Variants in GAL3ST2 observed in about 807,000 individuals in gnomAD.
GAL3ST2 encodes the protein galactose-3-O-sulfotransferase 2, also known as beta-galactose-3-O-sulfotransferase 2.
In GAL3ST2, 16 loss-of-function variants were observed where a neutral mutation model predicts 12.9. The observed-to-expected ratio is 1.24, with a 90% CI of 0.84 to 1.88. GAL3ST2 has a LOEUF of 1.88. Among genes scored for constraint, GAL3ST2 ranks in the 40% most tolerant of loss-of-function variants. The pLI is 0.00. For missense variants in GAL3ST2, 639 were observed against 571.8 expected (o/e 1.12, Z -1.20); for synonymous variants, 302 against 273.9 (o/e 1.10, Z -1.01).
rs1165908623 is a variant in GAL3ST2 at position 241,795,337 on chromosome 2, T to G, written c.30-3728T>G. Among the ~76,000 whole-genome samples, 2 of 152,162 alleles carry G rather than the reference T, an allele frequency of 1.3e-5. No individual in the cohort carries two copies. The highest frequency in any genetic ancestry group is 1.3e-4 in the Admixed American group (2 of 15,290). On this transcript the variant is annotated intron_variant, in intron 1 of 3. Coordinates refer to ENST00000192314, the MANE Select transcript of GAL3ST2 (RefSeq NM_022134.3). The surrounding 1 kb of genome is among the most constrained non-coding windows in gnomAD (Gnocchi z 4.5). ...AACGTCATTGTTTTAATTGGGCAGT[T>G]GCAAAGAACAGAGACAGATTCATGC... is the stretch of plus-strand genomic sequence containing the variant.
Position 241,803,496 on chromosome 2 carries a change from C to T in GAL3ST2, c.527C>T (p.Thr176Met), listed in dbSNP as rs1699884758. ...SLDAFLASPR[T>M]FYNDSRHLRN... ...GACGCGTTCCTGGCCTCGCCGCGGA[C>T]GTTCTACAACGACAGCCGCCACCTC... Residue 176 changes from threonine to methionine, a missense_variant, in exon 4 of 4, where the codon ACG becomes ATG. Coordinates refer to ENST00000192314, the MANE Select transcript of GAL3ST2 (RefSeq NM_022134.3). The T allele has an allele frequency of 1.2e-6, 2 of 1,611,568 alleles. No homozygotes were observed. Among genetic ancestry groups the T allele is most frequent in the East Asian group, 2.2e-5 (1 of 44,834 alleles).
chr2:241,781,662 A>G (rs1699568494), intron 1 of GAL3ST2, among the ~76,000 whole-genome samples: 1 of 152,236 alleles, frequency 6.6e-6, no homozygotes, highest in Admixed American at 6.5e-5. Context: ...ACACATACCA[A>G]TAACATATTT....
chr2:241,779,214 A>C (rs1309951861), intron 1 of GAL3ST2, among the ~76,000 whole-genome samples: 1 of 54,550 alleles, frequency 1.8e-5, no homozygotes, highest in Non-Finnish European at 3.3e-5. Flanking sequence ...AGGAAAGCTC[A>C]TTTTTTTTTT....
At chr2:241,792,378 T>C (rs1465493332) in intron 1 of GAL3ST2, among the ~76,000 whole-genome samples, 1 of 150,942 alleles carries the variant, frequency 6.6e-6, no homozygotes, top group Non-Finnish European at 1.5e-5. Context: ...TAAGCTGTGC[T>C]TTCTTAAAGC....
At position 241,803,343 on chromosome 2, in the gene GAL3ST2, A is replaced by G; in HGVS notation, c.376-2A>G. Reference sequence around the variant, plus strand: ...GCAGCCCGCCTCTCTGTCGCCACACAGGTGCAGAAAGTCATGCCCAACGAC... The same window carrying G: ...GCAGCCCGCCTCTCTGTCGCCACACGGGTGCAGAAAGTCATGCCCAACGAC... On this transcript the variant is annotated splice_acceptor_variant, in intron 3 of 3. Coordinates refer to ENST00000192314, the MANE Select transcript of GAL3ST2 (RefSeq NM_022134.3). LOFTEE classifies it high-confidence loss of function. 3 of 1,590,632 alleles carry G rather than the reference A, an allele frequency of 1.9e-6. No homozygotes were observed. Among genetic ancestry groups the G allele is most frequent in the Non-Finnish European group, 2.6e-6 (3 of 1,164,852 alleles).
chr2:241,799,823 C>T (rs569389366), intron 2 of GAL3ST2, among the ~76,000 whole-genome samples: 1 of 152,296 alleles, frequency 6.6e-6, no homozygotes, highest in East Asian at 1.9e-4. Context: ...CCTGGGTACC[C>T]TGACCCCACC....
intron 1 of GAL3ST2, among the ~76,000 whole-genome samples, chr2:241,790,918 G>A (rs62193068): frequency 0.43 from 66,053 of 152,062 alleles, 17,453 homozygotes; most frequent in African/African-American, 0.76. Context: ...CTTAACCTGA[G>A]CATTCCTTAC....
chr2:241,776,881 G>C lies in GAL3ST2; in HGVS notation c.-75G>C, dbSNP rs548173913. The stretch of plus-strand genomic sequence containing the variant: ...CCTGCACCCTGGGGAGCCCAGAGCC[G>C]GCAGGGGCCGAGGCGGTGGGACCTC... On this transcript the variant is annotated 5_prime_UTR_variant, in exon 1 of 4. Transcript: ENST00000192314. 2.3e-6 allele frequency: 3 copies of C among 1,314,644 alleles called. No individual in the cohort carries two copies. Among genetic ancestry groups the C allele is most frequent in the Admixed American group, 3.2e-5 (1 of 31,662 alleles). 81.4% of individuals were successfully genotyped at this position (1,314,644 alleles called of 1,614,324 possible).
At position 241,802,825 on chromosome 2, in the gene GAL3ST2, C is replaced by T. The variant is rs1178063291; in HGVS notation, c.376-520C>T. ...TCCAGGACCTCTGAGGGGGCACAAG[C>T]GAGGGTGAGTCCAGACCCACCCTGT... On this transcript the variant is annotated intron_variant, in intron 3 of 3. Transcript: ENST00000192314. The surrounding 1 kb of genome is among the most constrained non-coding windows in gnomAD (Gnocchi z 4.8). Among the ~76,000 whole-genome samples the T allele has an allele frequency of 6.6e-6, 1 of 152,126 alleles. No individual in the cohort carries two copies. The highest frequency in any genetic ancestry group is 1.9e-4 in the East Asian group (1 of 5,188).
chr2:241,803,487 C>T lies in GAL3ST2; in HGVS notation c.518C>T (p.Ser173Leu), dbSNP rs1693496693. ...CCGAGCCTGGACGCGTTCCTGGCCT[C>T]GCCGCGGACGTTCTACAACGACAGC... ...GAPSLDAFLA[S>L]PRTFYNDSRH... is the part of the protein sequence containing the mutation. The change falls in exon 4 of 4, where the codon TCG becomes TTG. Residue 173 changes from serine (S) to leucine (L), a missense_variant. Transcript: ENST00000192314. 9.9e-6 allele frequency: 16 copies of T among 1,611,632 alleles called. No homozygotes were observed. The highest frequency in any genetic ancestry group is 1.3e-5 in the Non-Finnish European group (15 of 1,179,368).
intron 1 of GAL3ST2, among the ~76,000 whole-genome samples, chr2:241,778,814 C>T (rs111348773): frequency 1.3e-5 from 2 of 152,128 alleles, no homozygotes; most frequent in South Asian, 2.1e-4. Context: ...CAGGACGGCT[C>T]GAAGCAAAGG....
At position 241,801,341 on chromosome 2, in the gene GAL3ST2, TTTTCTTTACGGTCTC is replaced by T; in HGVS notation, c.120-438_120-424del. 5.5e-6 allele frequency: 1 copy of T among 182,338 alleles called. No individual in the cohort carries two copies. Among genetic ancestry groups the T allele is most frequent in the South Asian group, 1.4e-4 (1 of 7,094 alleles). The allele number at this position is 182,338 out of a possible 1,614,324, so 11.3% of individuals were successfully genotyped here. A position where few individuals can be genotyped will look rare whatever the true frequency, so the allele number is the denominator to read the frequency against. ...TATTCCGTGGTGTAGATGTGCCACA[TTTTCTTTACGGTCTC>T]TATGTAACATTCACACCCGGCAGCT... On this transcript the variant is annotated intron_variant, in intron 2 of 3. Coordinates refer to ENST00000192314, the MANE Select transcript of GAL3ST2 (RefSeq NM_022134.3). The surrounding 1 kb of genome is among the most constrained non-coding windows in gnomAD (Gnocchi z 4.4).
In GAL3ST2 at chr2:241,804,184, C is replaced by T; in HGVS notation, c.*18C>T. 1 of 1,405,012 alleles carries T rather than the reference C, an allele frequency of 7.1e-7. No homozygotes were observed. Among genetic ancestry groups the T allele is most frequent in the Non-Finnish European group, 9.3e-7 (1 of 1,072,574 alleles). 87.0% of individuals were successfully genotyped at this position (1,405,012 alleles called of 1,614,324 possible). ...GGGCGTAGAGGGGCCGGGCCGGGGACGAGGCCTCCTGCGGACACCAGCTCC... is the reference window on the plus strand; with the variant it reads ...GGGCGTAGAGGGGCCGGGCCGGGGATGAGGCCTCCTGCGGACACCAGCTCC... On this transcript the variant is annotated 3_prime_UTR_variant, in exon 4 of 4. Transcript: ENST00000192314.
intron 1 of GAL3ST2, among the ~76,000 whole-genome samples, chr2:241,797,802 C>T (rs1699791320): frequency 6.6e-6 from 1 of 152,216 alleles, no homozygotes; most frequent in Non-Finnish European, 1.5e-5. Flanking sequence ...GCCCGCTTTG[C>T]CTTGGTTACA....
At chr2:241,790,604 T>C (rs769868221) in intron 1 of GAL3ST2, among the ~76,000 whole-genome samples, 4 of 152,182 alleles carry the variant, frequency 2.6e-5, no homozygotes, top group Non-Finnish European at 5.9e-5. Context: ...ATATCATGAT[T>C]TACTTTCCAA....
At chr2:241,777,116 G>A (rs1283407902) in intron 1 of GAL3ST2, 132 bp downstream of exon 1, 4 of 825,824 alleles carry the variant, frequency 4.8e-6, no homozygotes. Context: ...TCCTACTCAG[G>A]CTTCCCTGAA....
chr2:241,804,099 T>G lies in GAL3ST2; in HGVS notation c.1130T>G (p.Met377Arg), dbSNP rs1298508687. ...QRLVMPELQY[M>R]ARLYALQFPE... is the part of the protein sequence containing the mutation. ...CTTGTGATGCCTGAGCTCCAGTACA[T>G]GGCCCGCCTGTACGCCCTGCAGTTC... Residue 377 changes from methionine (M) to arginine (R), a missense_variant, in exon 4 of 4, where the codon ATG becomes AGG. By Grantham distance (91) the Met-to-Arg change is moderately conservative. Transcript: ENST00000192314. 2 of 1,524,444 alleles carry G rather than the reference T, an allele frequency of 1.3e-6. No individual in the cohort carries two copies. Among genetic ancestry groups the G allele is most frequent in the South Asian group, 2.5e-5 (2 of 80,596 alleles). The allele number at this position is 1,524,444 out of a possible 1,614,324, so 94.4% of individuals were successfully genotyped here. A position where few individuals can be genotyped will look rare whatever the true frequency, so the allele number is the denominator to read the frequency against.
chr2:241,792,002 T>TTTTC (rs1281686637), intron 1 of GAL3ST2, among the ~76,000 whole-genome samples: 1 of 150,532 alleles, frequency 6.6e-6, no homozygotes, highest in African/African-American at 2.4e-5. Context: ...TTTTCTTTTC[T>TTTTC]TTTCTTTCTT....
At chr2:241,780,822 G>A (rs1434106066) in intron 1 of GAL3ST2, among the ~76,000 whole-genome samples, 1 of 152,190 alleles carries the variant, frequency 6.6e-6, no homozygotes, top group Non-Finnish European at 1.5e-5. Context: ...TAAACTTGGG[G>A]CTCCTGGACA....
Sources: gnomAD v4.1 joint callset for allele counts (sites outside exome capture counted in the v4.1 genomes callset) on GRCh38, gnomAD v4.1.1 for gene constraint, Gnocchi (gnomAD v3.1) non-coding constraint, MANE v1.5 for transcripts, NCBI Gene and HGNC (gene_info 2026-07-23, HGNC 2026-07-21) for gene names.